Variants in TMPRSS15 observed in about 807,000 individuals in gnomAD.
TMPRSS15 encodes enteropeptidase.
Under a neutral mutation model 125.3 loss-of-function variants are expected in TMPRSS15, and 128 were observed. The ratio of observed to expected loss-of-function variants is 1.02; its 90% CI spans 0.89 to 1.18. TMPRSS15 has a LOEUF of 1.18. TMPRSS15 is among the 50% of genes most tolerant of loss of function. TMPRSS15 has a pLI of 0.00. For missense variants in TMPRSS15, 1,283 were observed against 1,212.7 expected (o/e 1.06, Z -0.86); for synonymous variants, 446 against 423.2 (o/e 1.05, Z -0.66).
At chr21:18,413,253 C>CCTTA (rs2076170736) in intron 1 of TMPRSS15, among the ~76,000 whole-genome samples, 1 of 137,048 alleles carries the variant, frequency 7.3e-6, no homozygotes, top group Non-Finnish European at 1.6e-5. Flanking sequence ...TTTCTTCCTT[C>CCTTA]CTTTCTTTCT....
At chr21:18,292,780 T>C (rs146255702) in intron 21 of TMPRSS15, among the ~76,000 whole-genome samples, 4 of 152,188 alleles carry the variant, frequency 2.6e-5, no homozygotes, top group Non-Finnish European at 4.4e-5. Flanking sequence ...ATCCGTGACA[T>C]GTCCAACGCA....
chr21:18,378,214 C>T (rs1423740355), intron 5 of TMPRSS15, among the ~76,000 whole-genome samples: 1 of 152,102 alleles, frequency 6.6e-6, no homozygotes, highest in Non-Finnish European at 1.5e-5. Flanking sequence ...TAACCATTAT[C>T]AATCCCAAAA....
At position 18,482,611 on chromosome 21, in the gene TMPRSS15, T is replaced by C. The variant is rs1363560028; in HGVS notation, c.10+3188A>G. The stretch of plus-strand genomic sequence containing the variant: ...TCTCCTAATTTTATTTATTTAATTT[T>C]ATATTCCTTCAATTTTTTTTGTAAT... On this transcript the variant is annotated intron_variant, in intron 1 of 7. Transcript: ENST00000422787. 2.6e-5 allele frequency among the ~76,000 whole-genome samples: 4 copies of C among 151,692 alleles called. No individual in the cohort carries two copies. In the East Asian group the frequency reaches 7.7e-4, roughly 29 times the overall value.
At chr21:18,386,031 C>T (rs2075941243) in intron 3 of TMPRSS15, among the ~76,000 whole-genome samples, 1 of 152,152 alleles carries the variant, frequency 6.6e-6, no homozygotes, top group Non-Finnish European at 1.5e-5. Flanking sequence ...GCATGAGCCA[C>T]CATGCCTGGC....
At chr21:18,474,678 G>A (rs942100489) in intron 1 of TMPRSS15, among the ~76,000 whole-genome samples, 4 of 152,192 alleles carry the variant, frequency 2.6e-5, no homozygotes, top group Non-Finnish European at 2.9e-5. Context: ...AAAGAAGCTA[G>A]TAAGAGCTAA....
intron 13 of TMPRSS15, 39 bp downstream of exon 13, chr21:18,341,374 A>G: frequency 1.2e-6 from 2 of 1,613,638 alleles, no homozygotes. Context: ...CCTGACGTTA[A>G]TGATTTAATA....
At chr21:18,380,167 T>TCACTCACACA (rs144691737) in intron 4 of TMPRSS15, among the ~76,000 whole-genome samples, 216 of 139,512 alleles carry the variant, frequency 1.5e-3, no homozygotes, top group African/African-American at 5.5e-3. Flanking sequence ...TATGGAGATG[T>TCACTCACACA]CACACACACA....
intron 19 of TMPRSS15, among the ~76,000 whole-genome samples, chr21:18,297,008 G>T (rs1009197650): frequency 6.6e-5 from 10 of 152,074 alleles, no homozygotes; most frequent in African/African-American, 2.4e-4. Context: ...TTAAATCCTT[G>T]TTTGTAGTTA....
chr21:18,451,489 A>C (rs1052888892), intron 1 of TMPRSS15, among the ~76,000 whole-genome samples: 5 of 152,148 alleles, frequency 3.3e-5, no homozygotes, highest in African/African-American at 1.2e-4. Flanking sequence ...AATAAAAGCC[A>C]ATTTACTTCT....
intron 3 of TMPRSS15, among the ~76,000 whole-genome samples, chr21:18,387,596 TACAC>T (rs369654215): frequency 1.5e-5 from 2 of 132,798 alleles, no homozygotes; most frequent in African/African-American, 6.0e-5. Flanking sequence ...GAAGAGTAGC[TACAC>T]ACACACACAC....
intron 21 of TMPRSS15, among the ~76,000 whole-genome samples, chr21:18,282,871 A>G (rs1019361253): frequency 1.3e-5 from 2 of 152,138 alleles, no homozygotes; most frequent in African/African-American, 4.8e-5. Flanking sequence ...GTGGGGTGCC[A>G]TGGGAGGGAT....
At chr21:18,465,197 A>G (rs188153451) in intron 1 of TMPRSS15, among the ~76,000 whole-genome samples, 1 of 151,966 alleles carries the variant, frequency 6.6e-6, no homozygotes, top group Non-Finnish European at 1.5e-5. Flanking sequence ...AAGGCCTTGA[A>G]TAAAATTCAA....
chr21:18,480,010 T>A (rs1490235757), intron 1 of TMPRSS15, among the ~76,000 whole-genome samples: 3 of 152,086 alleles, frequency 2.0e-5, no homozygotes, highest in South Asian at 2.1e-4. Context: ...AATGATAGAC[T>A]GGATAAAGAA....
intron 5 of TMPRSS15, among the ~76,000 whole-genome samples, chr21:18,372,744 T>C (rs2075804496): frequency 6.6e-6 from 1 of 152,216 alleles, no homozygotes; most frequent in African/African-American, 2.4e-5. Flanking sequence ...TATCTCTTTG[T>C]TCCTTGGGTC....
At chr21:18,385,419 A>T (rs1168720848) in intron 3 of TMPRSS15, among the ~76,000 whole-genome samples, 7 of 152,132 alleles carry the variant, frequency 4.6e-5, no homozygotes, top group Admixed American at 4.6e-4. Context: ...TATACCAAAC[A>T]TGGTTTTATT....
chr21:18,397,768 T>C lies in TMPRSS15; in HGVS notation c.344+111A>G, dbSNP rs1158962345. ...CACTTTGCTTAATCCTCAAAAAATG[T>C]TGAAAAATTTAAATATTCCTCTTTT... On this transcript the variant is annotated intron_variant, in intron 3 of 24. Coordinates refer to ENST00000284885, the MANE Select transcript of TMPRSS15 (RefSeq NM_002772.3). The C allele has an allele frequency of 1.2e-5, 7 of 602,852 alleles. No homozygotes were observed. The East Asian group carries it at 2.1e-4, about 18-fold the overall frequency. The allele number at this position is 602,852 out of a possible 1,614,324, so 37.3% of individuals were successfully genotyped here.
intron 16 of TMPRSS15, among the ~76,000 whole-genome samples, chr21:18,316,489 G>C (rs1213606448): frequency 6.7e-6 from 1 of 149,838 alleles, no homozygotes; most frequent in East Asian, 1.9e-4. Flanking sequence ...GGTCAGGCAG[G>C]AAAGGGTAGT....
In TMPRSS15 at chr21:18,269,859, A is replaced by T. The variant is rs1244269491; in HGVS notation, c.*110T>A. 1 of 1,402,158 alleles carries T rather than the reference A, an allele frequency of 7.1e-7. No individual in the cohort carries two copies. Among genetic ancestry groups the T allele is most frequent in the Non-Finnish European group, 9.8e-7 (1 of 1,017,722 alleles). 86.9% of individuals were successfully genotyped at this position (1,402,158 alleles called of 1,614,324 possible). A position where few individuals can be genotyped will look rare whatever the true frequency, so the allele number is the denominator to read the frequency against. On this transcript the variant is annotated 3_prime_UTR_variant, in exon 25 of 25. Coordinates refer to ENST00000284885, the MANE Select transcript of TMPRSS15 (RefSeq NM_002772.3). Reference sequence around the variant, plus strand: ...GCATTTCATTGACATAGGTAAGAATAAAAACCTTTGGTAACTTTTTAAAAT... The same window carrying T: ...GCATTTCATTGACATAGGTAAGAATTAAAACCTTTGGTAACTTTTTAAAAT...
intron 21 of TMPRSS15, among the ~76,000 whole-genome samples, chr21:18,291,609 CAATT>C (rs1437501578): frequency 2.0e-5 from 3 of 152,098 alleles, no homozygotes. Context: ...TTCCATAGCA[CAATT>C]AGGCTTTTAA....
Sources: gnomAD v4.1 joint callset for allele counts (sites outside exome capture counted in the v4.1 genomes callset) on GRCh38, gnomAD v4.1.1 for gene constraint, MANE v1.5 for transcripts, NCBI Gene and HGNC (gene_info 2026-07-23, HGNC 2026-07-21) for gene names.